The following BACH2 variants were observed in gnomAD, a reference collection of about 807,000 sequenced individuals.
BACH2 encodes the protein transcription regulator protein BACH2.
BACH2 carries 5 observed loss-of-function variants against 61.8 expected under a neutral mutation model. The ratio of observed to expected loss-of-function variants is 0.08; its 90% CI spans 0.04 to 0.17. The LOEUF is 0.17. BACH2 is among the 10% of genes least tolerant of loss of function. BACH2 has a pLI of 1.00. For synonymous variants in BACH2, 446 were observed against 440.1 expected, an observed-to-expected ratio of 1.01 and a Z score of -0.17; for missense variants, 824 against 1,091.1, an observed-to-expected ratio of 0.76 and a Z score of 3.45.
At chr6:90,242,607 C>T (rs1272630270) in intron 3 of BACH2, among the ~76,000 whole-genome samples, 3 of 152,240 alleles carry the variant, frequency 2.0e-5, no homozygotes, top group East Asian at 1.9e-4. Context: ...CATCTAGATG[C>T]GTAGTTGCTG....
chr6:90,293,175 T>C (rs755000594), intron 1 of BACH2, among the ~76,000 whole-genome samples: 2 of 152,192 alleles, frequency 1.3e-5, no homozygotes, highest in African/African-American at 4.8e-5. Flanking sequence ...CTTATGCCCA[T>C]GAAGCTAGTA....
At chr6:90,091,764 T>C (rs1782169127) in intron 4 of BACH2, among the ~76,000 whole-genome samples, 1 of 152,136 alleles carries the variant, frequency 6.6e-6, no homozygotes, top group African/African-American at 2.4e-5. Flanking sequence ...AATCCTATTT[T>C]GGGAGTGATT....
At chr6:90,226,676 C>G (rs1582507934) in intron 3 of BACH2, among the ~76,000 whole-genome samples, 1 of 151,988 alleles carries the variant, frequency 6.6e-6, no homozygotes, top group African/African-American at 2.4e-5. Context: ...GTCAATCAAA[C>G]ACAGAGCCCA....
intron 2 of BACH2, among the ~76,000 whole-genome samples, chr6:90,254,804 C>T (rs149378821): frequency 1.3e-5 from 2 of 152,208 alleles, no homozygotes; most frequent in East Asian, 3.9e-4. Flanking sequence ...TCATTATCAT[C>T]CACTTACAAG....
At chr6:90,131,946 T>C (rs991075371) in intron 4 of BACH2, among the ~76,000 whole-genome samples, 28 of 152,228 alleles carry the variant, frequency 1.8e-4, no homozygotes, top group African/African-American at 6.5e-4. Context: ...CAGAGACTGC[T>C]CCTCCTTAGT....
intron 3 of BACH2, among the ~76,000 whole-genome samples, chr6:90,223,768 C>T (rs1769821005): frequency 6.6e-6 from 1 of 152,114 alleles, no homozygotes; most frequent in African/African-American, 2.4e-5. Flanking sequence ...AGCCACCAGG[C>T]TCAGCCTCAA....
chr6:90,101,656 C>T (rs1782632905), intron 4 of BACH2, among the ~76,000 whole-genome samples: 2 of 152,152 alleles, frequency 1.3e-5, no homozygotes. Context: ...ATTCTGGGTC[C>T]CTTGCATTTC....
At chr6:90,071,713 T>C (rs1781235317) in intron 5 of BACH2, among the ~76,000 whole-genome samples, 1 of 152,198 alleles carries the variant, frequency 6.6e-6, no homozygotes, top group Non-Finnish European at 1.5e-5. Flanking sequence ...AAAATCTACA[T>C]ATCACTTCTG....
At chr6:90,221,622 G>A (rs1283366549) in intron 3 of BACH2, among the ~76,000 whole-genome samples, 2 of 152,120 alleles carry the variant, frequency 1.3e-5, no homozygotes, top group Non-Finnish European at 2.9e-5. Context: ...CAATAATGGA[G>A]GTGCTGAGAG....
At chr6:90,239,583 A>T (rs1485499243) in intron 3 of BACH2, among the ~76,000 whole-genome samples, 1 of 152,204 alleles carries the variant, frequency 6.6e-6, no homozygotes, top group Non-Finnish European at 1.5e-5. Flanking sequence ...ATGCATGTAC[A>T]TGCTTTAATA....
Position 89,929,168 on chromosome 6 carries a change from T to A in BACH2, c.*3240A>T, listed in dbSNP as rs1359453480. Reference sequence around the variant, plus strand: ...AGCCATTTGGAGACCCAAGCAGGCATCCTCCTAAACAGCCCGTGGTTGGAG... The same window carrying A: ...AGCCATTTGGAGACCCAAGCAGGCAACCTCCTAAACAGCCCGTGGTTGGAG... On this transcript the variant is annotated 3_prime_UTR_variant, in exon 9 of 9. Coordinates refer to ENST00000257749, the MANE Select transcript of BACH2 (RefSeq NM_021813.4). 1 of 152,332 alleles carries A rather than the reference T, an allele frequency of 6.6e-6. No individual in the cohort carries two copies. The highest frequency in any genetic ancestry group is 1.5e-5 in the Non-Finnish European group (1 of 68,108). The allele number at this position is 152,332 out of a possible 1,614,324, so 9.4% of individuals were successfully genotyped here.
At chr6:90,218,238 T>C (rs1562510530) in intron 3 of BACH2, 1 of 152,152 alleles carries the variant, frequency 6.6e-6, no homozygotes, top group Non-Finnish European at 1.5e-5. Context: ...AGTGTGGTCT[T>C]TGTTTGGTGG....
At chr6:90,147,425 C>T (rs1784660240) in intron 4 of BACH2, among the ~76,000 whole-genome samples, 1 of 152,188 alleles carries the variant, frequency 6.6e-6, no homozygotes, top group African/African-American at 2.4e-5. Flanking sequence ...ATACCATAAG[C>T]CTTCCCACAT....
intron 6 of BACH2, among the ~76,000 whole-genome samples, chr6:90,007,884 G>A (rs1035900181): frequency 1.3e-5 from 2 of 152,152 alleles, no homozygotes; most frequent in African/African-American, 4.8e-5. Context: ...TAGGAATGAC[G>A]GAAGTCAGGA....
chr6:90,165,237 T>C (rs1767567408), intron 4 of BACH2, among the ~76,000 whole-genome samples: 1 of 152,136 alleles, frequency 6.6e-6, no homozygotes. Flanking sequence ...AAAATCAATG[T>C]ACAAAAATCA....
At chr6:89,989,554 T>C (rs1007995017) in intron 6 of BACH2, among the ~76,000 whole-genome samples, 2 of 152,064 alleles carry the variant, frequency 1.3e-5, no homozygotes, top group African/African-American at 4.8e-5. Flanking sequence ...TGGGATATCC[T>C]CCGGGCGTGG....
chr6:90,025,707 A>G (rs1046250729), intron 5 of BACH2, among the ~76,000 whole-genome samples: 3 of 152,294 alleles, frequency 2.0e-5, no homozygotes, highest in East Asian at 1.9e-4. Context: ...GGTGGAACCT[A>G]TTTACTTCAT....
chr6:90,274,216 C>T (rs760536070), intron 1 of BACH2, among the ~76,000 whole-genome samples: 4 of 152,274 alleles, frequency 2.6e-5, no homozygotes, highest in South Asian at 2.1e-4. Flanking sequence ...CAAGAACATA[C>T]GTTGATTCTA....
intron 5 of BACH2, among the ~76,000 whole-genome samples, chr6:90,077,915 GT>G (rs2127803743): frequency 6.6e-6 from 1 of 152,226 alleles, no homozygotes; most frequent in South Asian, 2.1e-4. Flanking sequence ...AAAAAGTTAT[GT>G]CCACAATTAT....
Sources: gnomAD v4.1 joint callset for allele counts (sites outside exome capture counted in the v4.1 genomes callset) on GRCh38, gnomAD v4.1.1 for gene constraint, MANE v1.5 for transcripts, NCBI Gene and HGNC (gene_info 2026-07-23, HGNC 2026-07-21) for gene names.